PAPSS2: variants seen among roughly 807,000 people sequenced by gnomAD.
PAPSS2 encodes the protein 3'-phosphoadenosine 5'-phosphosulfate synthase 2.
PAPSS2 carries 61 observed loss-of-function variants against 66.5 expected under a neutral mutation model. The observed-to-expected ratio is 0.92, with a 90% CI of 0.75 to 1.14. The LOEUF (loss-of-function observed/expected upper bound fraction) is 1.14, where lower values mean the gene tolerates loss of function less well. Among genes scored for constraint, PAPSS2 ranks in the 50% most tolerant of loss-of-function variants. The pLI is 0.00. For synonymous variants in PAPSS2, 289 were observed against 287.5 expected (o/e 1.01, Z -0.05); for missense variants, 708 against 789.6 (o/e 0.90, Z 1.24).
intron 1 of PAPSS2, among the ~76,000 whole-genome samples, chr10:87,689,667 CAA>C (rs536306316): frequency 2.0e-4 from 15 of 74,608 alleles, no homozygotes; most frequent in African/African-American, 3.1e-4. Flanking sequence ...AACCTTGTCT[CAA>C]AAAAAAAAAA....
rs1852728313 is a variant in PAPSS2, at chr10:87,660,019, A to G, written c.27+11A>G. On this transcript the variant is annotated intron_variant, in intron 1 of 12. Coordinates refer to ENST00000456849, the MANE Select transcript of PAPSS2 (RefSeq NM_001015880.2). Reference sequence around the variant, plus strand: ...AAGAAGCAAAAGACGGTAGGCTTCCAGGCGCCGGCTTCCCTCCCCGCCACC... The same window carrying G: ...AAGAAGCAAAAGACGGTAGGCTTCCGGGCGCCGGCTTCCCTCCCCGCCACC... 1.2e-6 allele frequency: 2 copies of G among 1,610,972 alleles called. No individual in the cohort carries two copies. Among genetic ancestry groups the G allele is most frequent in the African/African-American group, 1.3e-5 (1 of 74,846 alleles).
At chr10:87,681,598 A>G (rs1211425280) in intron 1 of PAPSS2, among the ~76,000 whole-genome samples, 1 of 152,230 alleles carries the variant, frequency 6.6e-6, no homozygotes, top group African/African-American at 2.4e-5. Context: ...TACAGTTTAA[A>G]GATTCCTAGA....
chr10:87,697,757 G>C (rs1853252323), intron 1 of PAPSS2, among the ~76,000 whole-genome samples: 1 of 152,184 alleles, frequency 6.6e-6, no homozygotes, highest in African/African-American at 2.4e-5. Context: ...GAAAAAGCCA[G>C]GGCTGGGTGG....
At chr10:87,692,578 A>G (rs1349651947) in intron 1 of PAPSS2, among the ~76,000 whole-genome samples, 2 of 152,196 alleles carry the variant, frequency 1.3e-5, no homozygotes, top group East Asian at 1.9e-4. Context: ...ATGGGAAGAA[A>G]TGGAAGAGAG....
At chr10:87,714,249 C>T (rs1215255244) in intron 4 of PAPSS2, 67 bp downstream of exon 4, 13 of 1,547,302 alleles carry the variant, frequency 8.4e-6, no homozygotes, top group Admixed American at 5.0e-5. Flanking sequence ...TTATTCTGTC[C>T]TCAGAAATCT....
rs1317347439 is a variant in PAPSS2 at position 87,747,399 on chromosome 10, AAACACT to A, written c.*1432_*1437del. The A allele has an allele frequency of 6.6e-6, 1 of 152,254 alleles. No individual in the cohort carries two copies. Among genetic ancestry groups the A allele is most frequent in the Non-Finnish European group, 1.5e-5 (1 of 68,058 alleles). The allele number at this position is 152,254 out of a possible 1,614,324, so 9.4% of individuals were successfully genotyped here. A position where few individuals can be genotyped will look rare whatever the true frequency, so the allele number is the denominator to read the frequency against. On this transcript the variant is annotated 3_prime_UTR_variant, in exon 13 of 13. Coordinates refer to ENST00000456849, the MANE Select transcript of PAPSS2 (RefSeq NM_001015880.2). Reference sequence around the variant, plus strand: ...CAATTTTCATATTCTCATTCTTAAAAAACACTAATCTTAACTAACAAAAGTTCTTTT... The same window carrying A: ...CAATTTTCATATTCTCATTCTTAAAAAATCTTAACTAACAAAAGTTCTTTT...
intron 1 of PAPSS2, among the ~76,000 whole-genome samples, chr10:87,672,574 T>A (rs919490635): frequency 5.3e-5 from 8 of 152,188 alleles, no homozygotes; most frequent in Non-Finnish European, 8.8e-5. Context: ...AACATAGAAA[T>A]TCTGAAGCCA....
At chr10:87,725,651 A>G (rs936688944) in intron 8 of PAPSS2, among the ~76,000 whole-genome samples, 3 of 152,128 alleles carry the variant, frequency 2.0e-5, no homozygotes, top group Non-Finnish European at 4.4e-5. Flanking sequence ...AACCACCATG[A>G]ATAACATCAA....
rs532950801 is a variant in PAPSS2 at position 87,706,084 on chromosome 10, G to GTATATA, written c.28-3092_28-3087dup. On this transcript the variant is annotated intron_variant, in intron 1 of 12. Transcript: ENST00000456849. ...AGTGTGCTTTACGTTTCTTCACATG[G>GTATATA]TATATATATATATATATATATATAT... Among the ~76,000 whole-genome samples, 136 of 60,132 alleles carry GTATATA rather than the reference G, an allele frequency of 2.3e-3. 1 individual carries two copies. Among genetic ancestry groups the GTATATA allele is most frequent in the African/African-American group, 6.7e-3 (73 of 10,878 alleles). The allele number at this position is 60,132 out of a possible 152,430, so 39.4% of individuals were successfully genotyped here. A position where few individuals can be genotyped will look rare whatever the true frequency, so the allele number is the denominator to read the frequency against.
chr10:87,704,721 A>G (rs1472975770), intron 1 of PAPSS2, among the ~76,000 whole-genome samples: 2 of 152,162 alleles, frequency 1.3e-5, no homozygotes, highest in Non-Finnish European at 2.9e-5. Flanking sequence ...GGCTCACTGC[A>G]ACCTCCGCTT....
intron 1 of PAPSS2, among the ~76,000 whole-genome samples, chr10:87,691,243 C>G (rs1853167619): frequency 6.6e-6 from 1 of 152,032 alleles, no homozygotes; most frequent in Admixed American, 6.6e-5. Context: ...AATAACAAAC[C>G]AAGTTTATGA....
chr10:87,699,604 C>T lies in PAPSS2; in HGVS notation c.28-9592C>T, dbSNP rs184215436. ...CGGTGGCTCACGCCTGTAATCCTAG[C>T]ACTTTGGGAGGCTGAGGCGGGCCAA... On this transcript the variant is annotated intron_variant, in intron 1 of 12. Coordinates refer to ENST00000456849, the MANE Select transcript of PAPSS2 (RefSeq NM_001015880.2). 3.9e-3 allele frequency among the ~76,000 whole-genome samples: 588 copies of T among 152,260 alleles called. 7 individuals are homozygous for T. Among genetic ancestry groups the T allele is most frequent in the African/African-American group, 0.014 (562 of 41,554 alleles).
chr10:87,676,306 G>C (rs1273003378), intron 1 of PAPSS2, among the ~76,000 whole-genome samples: 1 of 152,148 alleles, frequency 6.6e-6, no homozygotes, highest in African/African-American at 2.4e-5. Context: ...AGATCTCACT[G>C]TTGAACTTTG....
chr10:87,689,667 C>CAAAAAAAA (rs536306316), intron 1 of PAPSS2, among the ~76,000 whole-genome samples: 3 of 74,636 alleles, frequency 4.0e-5, no homozygotes, highest in Admixed American at 1.4e-4. Flanking sequence ...AACCTTGTCT[C>CAAAAAAAA]AAAAAAAAAA....
intron 1 of PAPSS2, among the ~76,000 whole-genome samples, chr10:87,692,696 A>G (rs1369662794): frequency 6.6e-6 from 1 of 152,226 alleles, no homozygotes; most frequent in Non-Finnish European, 1.5e-5. Flanking sequence ...GGTCAACCAT[A>G]TAACTGACAG....
At chr10:87,684,677 T>C (rs1853065794) in intron 1 of PAPSS2, among the ~76,000 whole-genome samples, 1 of 152,232 alleles carries the variant, frequency 6.6e-6, no homozygotes, top group Admixed American at 6.5e-5. Flanking sequence ...ACAATTTATT[T>C]ACCCAGACTA....
At chr10:87,667,101 T>C (rs1852824342) in intron 1 of PAPSS2, among the ~76,000 whole-genome samples, 1 of 152,244 alleles carries the variant, frequency 6.6e-6, no homozygotes, top group Non-Finnish European at 1.5e-5. Flanking sequence ...GAATTTGTTA[T>C]AAATTTTGTC....
chr10:87,665,642 A>G (rs998113757), intron 1 of PAPSS2, among the ~76,000 whole-genome samples: 5 of 152,262 alleles, frequency 3.3e-5, no homozygotes, highest in Admixed American at 3.3e-4. Context: ...TGCCAAGACA[A>G]TTGTCCTTGC....
chr10:87,725,546 A>G (rs1853647821), intron 8 of PAPSS2, among the ~76,000 whole-genome samples: 1 of 152,226 alleles, frequency 6.6e-6, no homozygotes, highest in South Asian at 2.1e-4. Context: ...CGTTAGCAAG[A>G]CCTGTGATTC....
Sources: gnomAD v4.1 joint callset for allele counts (sites outside exome capture counted in the v4.1 genomes callset) on GRCh38, gnomAD v4.1.1 for gene constraint, MANE v1.5 for transcripts, NCBI Gene and HGNC (gene_info 2026-07-23, HGNC 2026-07-21) for gene names.